Variants in CTNNA3 observed in about 807,000 individuals in gnomAD.
CTNNA3 encodes catenin alpha-3.
Under a neutral mutation model 95.7 loss-of-function variants are expected in CTNNA3, and 76 were observed. The ratio of observed to expected loss-of-function variants is 0.79; its 90% CI spans 0.66 to 0.96. The LOEUF (loss-of-function observed/expected upper bound fraction) is 0.96, where lower values mean the gene tolerates loss of function less well. CTNNA3 is among the 40% of genes least tolerant of loss of function. The probability of loss-of-function intolerance (pLI) is 0.00; values close to 1 mark genes in which losing one functional copy is unlikely to be tolerated. For missense variants in CTNNA3, 1,191 were observed against 1,089.8 expected (o/e 1.09, Z -1.31); for synonymous variants, 431 against 374.4 (o/e 1.15, Z -1.74).
chr10:66,672,031 A>G (rs1389527710), intron 9 of CTNNA3, among the ~76,000 whole-genome samples: 5 of 152,168 alleles, frequency 3.3e-5, no homozygotes, highest in Non-Finnish European at 7.3e-5. Context: ...TGTCAGCATT[A>G]GGATATAGAG....
chr10:67,283,294 G>T (rs1839469404), intron 5 of CTNNA3, among the ~76,000 whole-genome samples: 1 of 152,174 alleles, frequency 6.6e-6, no homozygotes, highest in South Asian at 2.1e-4. Flanking sequence ...CCAGGAAAAG[G>T]CAGTCTCCCA....
At chr10:67,257,627 A>T (rs1457701980) in intron 5 of CTNNA3, among the ~76,000 whole-genome samples, 1 of 152,156 alleles carries the variant, frequency 6.6e-6, no homozygotes, top group Non-Finnish European at 1.5e-5. Flanking sequence ...CGCAAGTACA[A>T]AGTTCTCTTA....
At chr10:66,877,050 G>A (rs1238587389) in intron 7 of CTNNA3, among the ~76,000 whole-genome samples, 1 of 152,058 alleles carries the variant, frequency 6.6e-6, no homozygotes, top group Admixed American at 6.6e-5. Flanking sequence ...ACAGAGAAAT[G>A]GACTGAGCTG....
intron 13 of CTNNA3, among the ~76,000 whole-genome samples, chr10:66,154,842 C>T (rs1233798549): frequency 6.7e-6 from 1 of 149,428 alleles, no homozygotes; most frequent in African/African-American, 2.5e-5. Context: ...CTGTTTAAGC[C>T]CCTAGTACAG....
chr10:66,611,460 A>G (rs1022682580), intron 10 of CTNNA3, among the ~76,000 whole-genome samples: 2 of 152,148 alleles, frequency 1.3e-5, no homozygotes, highest in Non-Finnish European at 2.9e-5. Context: ...AACTGATAGT[A>G]AAAAGAATGG....
rs1191566639 is a variant in CTNNA3, at chr10:65,913,274, A to G, written c.*7056T>C. ...CATAATCAAAATGGAAAACAGGGGC[A>G]TCTGGAAATCTTTCTCTAGAAGTTT... On this transcript the variant is annotated 3_prime_UTR_variant, in exon 18 of 18. Coordinates refer to ENST00000433211, the MANE Select transcript of CTNNA3 (RefSeq NM_013266.4). 6.6e-6 allele frequency: 1 copy of G among 152,190 alleles called. No homozygotes were observed. The highest frequency in any genetic ancestry group is 1.5e-5 in the Non-Finnish European group (1 of 68,028). 9.4% of individuals were successfully genotyped at this position (152,190 alleles called of 1,614,324 possible).
intron 2 of CTNNA3, among the ~76,000 whole-genome samples, chr10:67,638,499 C>A (rs964555402): frequency 6.6e-6 from 1 of 152,138 alleles, no homozygotes; most frequent in Non-Finnish European, 1.5e-5. Context: ...CAGCTCTGCA[C>A]CAAGAGGACC....
chr10:66,664,283 AAT>A (rs1846365347), intron 9 of CTNNA3, among the ~76,000 whole-genome samples: 1 of 152,088 alleles, frequency 6.6e-6, no homozygotes, highest in Non-Finnish European at 1.5e-5. Flanking sequence ...TCACATCTCA[AAT>A]AGTTTTTTTA....
At position 66,907,120 on chromosome 10, in the gene CTNNA3, T is replaced by C. The variant is rs528173573; in HGVS notation, c.1048-131596A>G. Among the ~76,000 whole-genome samples the C allele has an allele frequency of 3.3e-5, 5 of 152,284 alleles. No individual in the cohort carries two copies. The South Asian group carries it at 6.2e-4, about 19-fold the overall frequency. ...CTTTCAATTCAAAAATGTATCTCTG[T>C]TCATTCTGTCCCTCAATAACATTTC... On this transcript the variant is annotated intron_variant, in intron 7 of 17. Coordinates refer to ENST00000433211, the MANE Select transcript of CTNNA3 (RefSeq NM_013266.4).
intron 5 of CTNNA3, among the ~76,000 whole-genome samples, chr10:67,392,126 A>G (rs1428367404): frequency 1.3e-5 from 2 of 152,176 alleles, no homozygotes; most frequent in African/African-American, 2.4e-5. Flanking sequence ...GCAACCTACA[A>G]AATGGGAGAA....
At chr10:66,951,599 G>T (rs965750108) in intron 7 of CTNNA3, among the ~76,000 whole-genome samples, 1 of 152,176 alleles carries the variant, frequency 6.6e-6, no homozygotes, top group African/African-American at 2.4e-5. Flanking sequence ...GCATGAAATG[G>T]AATTTGAACC....
chr10:66,803,265 T>C (rs939241895), intron 7 of CTNNA3, among the ~76,000 whole-genome samples: 2 of 151,988 alleles, frequency 1.3e-5, no homozygotes, highest in African/African-American at 2.4e-5. Flanking sequence ...TATTTTACAA[T>C]CCGCCGTCAT....
intron 4 of CTNNA3, among the ~76,000 whole-genome samples, chr10:67,535,138 T>A (rs1331992530): frequency 6.6e-6 from 1 of 152,120 alleles, no homozygotes; most frequent in East Asian, 1.9e-4. Flanking sequence ...AAACAGTATA[T>A]CTTGATTTCA....
At chr10:66,092,011 C>T (rs1370580789) in intron 14 of CTNNA3, among the ~76,000 whole-genome samples, 1 of 151,822 alleles carries the variant, frequency 6.6e-6, no homozygotes, top group African/African-American at 2.4e-5. Context: ...GCTCTTTCAC[C>T]ATCTCCAGAC....
intron 11 of CTNNA3, among the ~76,000 whole-genome samples, chr10:66,466,237 T>A (rs1372667211): frequency 1.3e-5 from 2 of 151,850 alleles, no homozygotes; most frequent in African/African-American, 2.4e-5. Flanking sequence ...CTGCATATTC[T>A]GGGCTTGCCA....
chr10:67,481,051 T>A (rs1193395235), intron 5 of CTNNA3, among the ~76,000 whole-genome samples: 3 of 152,242 alleles, frequency 2.0e-5, no homozygotes, highest in Non-Finnish European at 4.4e-5. Context: ...TCCATCAAGA[T>A]GATCATATGG....
At chr10:67,352,230 T>C (rs2394368) in intron 5 of CTNNA3, among the ~76,000 whole-genome samples, 128,686 of 151,888 alleles carry the variant, frequency 0.85, 55,860 homozygotes, top group East Asian at 1. Context: ...ATCCTAGGAC[T>C]CCCTAAATCT....
chr10:66,852,849 A>G (rs1265186793), intron 7 of CTNNA3, among the ~76,000 whole-genome samples: 9 of 152,214 alleles, frequency 5.9e-5, no homozygotes, highest in Non-Finnish European at 1.3e-4. Context: ...GAAGCATTGC[A>G]TTAGCAGTAA....
At chr10:66,529,450 G>GTTTTTTT (rs58249940) in intron 10 of CTNNA3, among the ~76,000 whole-genome samples, 1 of 141,558 alleles carries the variant, frequency 7.1e-6, no homozygotes, top group Non-Finnish European at 1.5e-5. Flanking sequence ...TTTTTTTTTT[G>GTTTTTTT]TTTTTTTTTT....
Sources: gnomAD v4.1 joint callset for allele counts (sites outside exome capture counted in the v4.1 genomes callset) on GRCh38, gnomAD v4.1.1 for gene constraint, MANE v1.5 for transcripts, NCBI Gene and HGNC (gene_info 2026-07-23, HGNC 2026-07-21) for gene names.